Variants in IGF1R observed in about 807,000 individuals in gnomAD.
The protein encoded by IGF1R is insulin-like growth factor 1 receptor.
In IGF1R, 44 loss-of-function variants were observed where a neutral mutation model predicts 144.6. The observed-to-expected ratio is 0.30, with a 90% confidence interval of 0.24 to 0.39. The LOEUF is 0.39. Ranked by LOEUF, IGF1R falls within the 10% of genes least tolerant of loss-of-function variation. The probability of loss-of-function intolerance (pLI) is 1.00; values close to 1 mark genes in which losing one functional copy is unlikely to be tolerated. For missense variants in IGF1R, 1,355 were observed against 1,833.7 expected (o/e 0.74, Z 4.77); for synonymous variants, 795 against 722.8 (o/e 1.10, Z -1.60).
intron 2 of IGF1R, among the ~76,000 whole-genome samples, chr15:98,753,168 G>A (rs191720371): frequency 6.6e-6 from 1 of 151,344 alleles, no homozygotes; most frequent in Non-Finnish European, 1.5e-5. Flanking sequence ...TCCTGACCTC[G>A]TGATCACCTG....
chr15:98,676,151 G>A (rs909933120), intron 1 of IGF1R, among the ~76,000 whole-genome samples: 1 of 151,262 alleles, frequency 6.6e-6, no homozygotes, highest in African/African-American at 2.4e-5. Context: ...TTTTATTAGT[G>A]TTTTTTGTAG....
At chr15:98,820,534 T>G (rs1199330328) in intron 2 of IGF1R, among the ~76,000 whole-genome samples, 1 of 152,218 alleles carries the variant, frequency 6.6e-6, no homozygotes, top group African/African-American at 2.4e-5. Flanking sequence ...AAGGCAGTTT[T>G]TCATCTAAGG....
chr15:98,895,159 A>C (rs762920623), intron 3 of IGF1R, among the ~76,000 whole-genome samples: 51 of 151,956 alleles, frequency 3.4e-4, no homozygotes, highest in Non-Finnish European at 6.2e-4. Context: ...GTGACGGAAC[A>C]GTTCTGTATC....
At chr15:98,747,511 A>G (rs1300079547) in intron 2 of IGF1R, among the ~76,000 whole-genome samples, 1 of 152,200 alleles carries the variant, frequency 6.6e-6, no homozygotes, top group African/African-American at 2.4e-5. Flanking sequence ...GTAATAAATC[A>G]GGGTAAGTTA....
intron 2 of IGF1R, among the ~76,000 whole-genome samples, chr15:98,831,879 G>A (rs1345997599): frequency 6.6e-6 from 1 of 152,066 alleles, no homozygotes; most frequent in African/African-American, 2.4e-5. Flanking sequence ...TGGATGGCAG[G>A]GTGCAATTGC....
At chr15:98,819,355 C>T (rs1005825107) in intron 2 of IGF1R, among the ~76,000 whole-genome samples, 2 of 152,162 alleles carry the variant, frequency 1.3e-5, no homozygotes, top group African/African-American at 4.8e-5. Flanking sequence ...GCATTGAAAC[C>T]TAATCACCAT....
At chr15:98,759,154 C>T (rs1362856255) in intron 2 of IGF1R, among the ~76,000 whole-genome samples, 3 of 152,186 alleles carry the variant, frequency 2.0e-5, no homozygotes, top group Admixed American at 6.5e-5. Flanking sequence ...TATGTACACA[C>T]GCACAGGGGC....
Position 98,678,688 on chromosome 15 carries a change from T to A in IGF1R, c.95-28874T>A, listed in dbSNP as rs72547283. ...GCCGCCACACCCGGCTAATTTTTTA[T>A]TTTTTTTGTAGTTTTTGTAGAGATG... On this transcript the variant is annotated intron_variant, in intron 1 of 20. Coordinates refer to ENST00000650285, the MANE Select transcript of IGF1R (RefSeq NM_000875.5). Among the ~76,000 whole-genome samples the A allele has an allele frequency of 4.6e-3, 696 of 150,870 alleles. 9 individuals are homozygous for A. Among genetic ancestry groups the A allele is most frequent in the African/African-American group, 0.016 (659 of 40,984 alleles).
At chr15:98,947,138 T>A (rs906033553) in intron 19 of IGF1R, among the ~76,000 whole-genome samples, 1 of 152,208 alleles carries the variant, frequency 6.6e-6, no homozygotes, top group African/African-American at 2.4e-5. Flanking sequence ...ACTGCACTTT[T>A]GGCCTCTGGG....
In IGF1R at chr15:98,826,676, T is replaced by A. The variant is rs932178762; in HGVS notation, c.641-64649T>A. Among the ~76,000 whole-genome samples the A allele has an allele frequency of 7.9e-5, 12 of 152,374 alleles. No homozygotes were observed. In the South Asian group the frequency reaches 1.9e-3, roughly 24 times the overall value. On this transcript the variant is annotated intron_variant, in intron 2 of 20. Coordinates refer to ENST00000650285, the MANE Select transcript of IGF1R (RefSeq NM_000875.5). ...ATTTAAGGTTCCAAGAGTACATTTG[T>A]ATCTCTTTTAAATTTTCTATTGTTT...
rs1170640013 is a variant in IGF1R, at chr15:98,961,303, G to C, written c.*3861G>C. On this transcript the variant is annotated 3_prime_UTR_variant, in exon 21 of 21. Coordinates refer to ENST00000650285, the MANE Select transcript of IGF1R (RefSeq NM_000875.5). Reference sequence around the variant, plus strand: ...TAAGGGTTTTGTTTAAACTGTCCGAGTTACTGATGTCATTTTGTTTTTGTT... The same window carrying C: ...TAAGGGTTTTGTTTAAACTGTCCGACTTACTGATGTCATTTTGTTTTTGTT... 2 of 233,490 alleles carry C rather than the reference G, an allele frequency of 8.6e-6. No individual in the cohort carries two copies. The highest frequency in any genetic ancestry group is 5.6e-5 in the Admixed American group (1 of 17,772). The allele number at this position is 233,490 out of a possible 1,614,324, so 14.5% of individuals were successfully genotyped here.
At chr15:98,696,043 TTG>T (rs1217517596) in intron 1 of IGF1R, among the ~76,000 whole-genome samples, 7 of 150,430 alleles carry the variant, frequency 4.7e-5, no homozygotes, top group Non-Finnish European at 1.0e-4. Flanking sequence ...TTTTTTTTTT[TTG>T]GCAGCCACAA....
intron 2 of IGF1R, among the ~76,000 whole-genome samples, chr15:98,794,443 A>T (rs1048490023): frequency 1.3e-5 from 2 of 152,192 alleles, no homozygotes; most frequent in African/African-American, 4.8e-5. Context: ...GAAGGAAAAG[A>T]CCAGTGATAA....
intron 2 of IGF1R, among the ~76,000 whole-genome samples, chr15:98,746,307 A>G (rs889419029): frequency 1.3e-5 from 2 of 152,188 alleles, no homozygotes; most frequent in African/African-American, 4.8e-5. Context: ...TATCATTTTT[A>G]AAAGTCTGTG....
At chr15:98,725,172 G>A (rs970918493) in intron 2 of IGF1R, among the ~76,000 whole-genome samples, 10 of 152,154 alleles carry the variant, frequency 6.6e-5, no homozygotes, top group African/African-American at 2.4e-4. Context: ...CGTGCAGTTT[G>A]CTGCACTAAT....
intron 10 of IGF1R, among the ~76,000 whole-genome samples, chr15:98,921,688 G>A (rs1346144330): frequency 1.3e-5 from 2 of 152,100 alleles, no homozygotes; most frequent in Non-Finnish European, 2.9e-5. Context: ...ACCACCACAG[G>A]CTTTCATATC....
intron 2 of IGF1R, among the ~76,000 whole-genome samples, chr15:98,764,783 A>G (rs760577820): frequency 1.3e-5 from 2 of 151,904 alleles, no homozygotes; most frequent in Non-Finnish European, 2.9e-5. Context: ...ATGGTGGGAG[A>G]TTTGTTTAAA....
chr15:98,911,026 C>G (rs2014989703), intron 6 of IGF1R, among the ~76,000 whole-genome samples: 1 of 152,334 alleles, frequency 6.6e-6, no homozygotes, highest in South Asian at 2.1e-4. Context: ...ACCTCGTTCA[C>G]TGAAGTCGCC....
chr15:98,691,308 C>T (rs1018078191), intron 1 of IGF1R, among the ~76,000 whole-genome samples: 1 of 151,830 alleles, frequency 6.6e-6, no homozygotes, highest in African/African-American at 2.4e-5. Context: ...TTTCGAGGGA[C>T]ACTGGCCAGG....
Sources: allele counts gnomAD v4.1 joint callset (sites outside exome capture counted in the v4.1 genomes callset), GRCh38; gene constraint gnomAD v4.1.1; transcripts MANE v1.5; gene names NCBI Gene and HGNC (gene_info 2026-07-23, HGNC 2026-07-21).